ANKRD28: variants seen among roughly 807,000 people sequenced by gnomAD.
ANKRD28 encodes serine/threonine-protein phosphatase 6 regulatory ankyrin repeat subunit A.
In ANKRD28, 44 loss-of-function variants were observed where a neutral mutation model predicts 126.5. That is an observed-to-expected ratio of 0.35 (90% CI 0.27 to 0.45). The LOEUF is 0.45. Ranked by LOEUF, ANKRD28 falls within the 20% of genes least tolerant of loss-of-function variation. The pLI is 1.00. For missense variants in ANKRD28, 1,110 were observed against 1,316.6 expected (o/e 0.84, Z 2.43); for synonymous variants, 442 against 468.5 (o/e 0.94, Z 0.73).
chr3:15,676,970 T>C lies in ANKRD28; in HGVS notation c.2873+4A>G. ...AGTTTATACTAGATACTGACAGTAC[T>C]CACGTTTGCAAGGCTGCGTTGGTTG... On this transcript the variant is annotated splice_donor_region_variant and intron_variant, in intron 26 of 27. Transcript: ENST00000683139. 1 of 1,610,482 alleles carries C rather than the reference T, an allele frequency of 6.2e-7. No individual in the cohort carries two copies. Among genetic ancestry groups the C allele is most frequent in the Non-Finnish European group, 8.5e-7 (1 of 1,176,972 alleles).
At chr3:15,794,075 A>T (rs1177577295) in intron 2 of ANKRD28, among the ~76,000 whole-genome samples, 1 of 151,390 alleles carries the variant, frequency 6.6e-6, no homozygotes, top group Non-Finnish European at 1.5e-5. Context: ...GTCTCTAAAT[A>T]AATACATACA....
chr3:15,832,557 G>A (rs1252655295), intron 1 of ANKRD28, among the ~76,000 whole-genome samples: 1 of 151,968 alleles, frequency 6.6e-6, no homozygotes, highest in African/African-American at 2.4e-5. Context: ...TTAGTGTAGA[G>A]ATCACCTAAA....
intron 1 of ANKRD28, among the ~76,000 whole-genome samples, chr3:15,842,057 T>C (rs920604741): frequency 6.8e-6 from 1 of 147,774 alleles, no homozygotes. Context: ...ACATAATTTA[T>C]ATATAATTTT....
chr3:15,670,666 G>T, intron 27 of ANKRD28, 110 bp from the exon 28 acceptor site: 1 of 1,117,988 alleles, frequency 8.9e-7, no homozygotes, highest in Non-Finnish European at 1.2e-6. Flanking sequence ...ACATTACTTA[G>T]CTTATAATAA....
intron 4 of ANKRD28, among the ~76,000 whole-genome samples, chr3:15,741,304 AAAG>A (rs1421043988): frequency 2.0e-5 from 3 of 152,240 alleles, no homozygotes; most frequent in Non-Finnish European, 4.4e-5. Flanking sequence ...AGACATTAAA[AAAG>A]AAGAGGTGAA....
chr3:15,740,928 C>T lies in ANKRD28; in HGVS notation c.352-3695G>A, dbSNP rs73147551. On this transcript the variant is annotated intron_variant, in intron 4 of 27. Transcript: ENST00000683139. Reference sequence around the variant, plus strand: ...TACATGTCAGATCACAGGCCTGGTGCGGTGGCTCACTTCTGTAATCCCAGC... The same window carrying T: ...TACATGTCAGATCACAGGCCTGGTGTGGTGGCTCACTTCTGTAATCCCAGC... Among the ~76,000 whole-genome samples, 705 of 152,216 alleles carry T rather than the reference C, an allele frequency of 4.6e-3. 4 individuals carry two copies. Among genetic ancestry groups the T allele is most frequent in the African/African-American group, 0.015 (623 of 41,528 alleles).
At chr3:15,755,831 A>G (rs1009662154) in intron 3 of ANKRD28, among the ~76,000 whole-genome samples, 6 of 152,182 alleles carry the variant, frequency 3.9e-5, no homozygotes, top group Non-Finnish European at 8.8e-5. Context: ...ACTATTTCCT[A>G]CTCATTAAGA....
intron 3 of ANKRD28, among the ~76,000 whole-genome samples, chr3:15,763,552 CA>C (rs1220221815): frequency 6.6e-6 from 1 of 152,140 alleles, no homozygotes; most frequent in Admixed American, 6.6e-5. Context: ...GAAAAGATAA[CA>C]CAGGCGAGGG....
chr3:15,674,196 A>AAG (rs1553573255), intron 27 of ANKRD28, among the ~76,000 whole-genome samples: 1 of 130,168 alleles, frequency 7.7e-6, no homozygotes, highest in Admixed American at 7.8e-5. Context: ...AAAAAAAAAA[A>AAG]AAGAAGAAGA....
At chr3:15,755,860 A>T (rs1299690685) in intron 3 of ANKRD28, among the ~76,000 whole-genome samples, 1 of 152,226 alleles carries the variant, frequency 6.6e-6, no homozygotes, top group Non-Finnish European at 1.5e-5. Context: ...AATATAAAAC[A>T]GCAGTCCCTT....
At chr3:15,711,709 CAG>C (rs1345892649) in intron 11 of ANKRD28, among the ~76,000 whole-genome samples, 4 of 151,146 alleles carry the variant, frequency 2.6e-5, no homozygotes, top group Non-Finnish European at 5.9e-5. Context: ...TTTTTTGAGA[CAG>C]AGTCTCGCTC....
intron 2 of ANKRD28, among the ~76,000 whole-genome samples, chr3:15,766,554 G>C (rs547839117): frequency 2.6e-5 from 4 of 152,010 alleles, no homozygotes; most frequent in Non-Finnish European, 5.9e-5. Flanking sequence ...AGGCATGGTA[G>C]CATGCACATA....
chr3:15,834,125 T>C (rs1484157179), intron 1 of ANKRD28, among the ~76,000 whole-genome samples: 1 of 152,194 alleles, frequency 6.6e-6, no homozygotes. Context: ...GACTTGGTTA[T>C]AAATTATTTG....
intron 2 of ANKRD28, among the ~76,000 whole-genome samples, chr3:15,777,445 T>C (rs917951868): frequency 2.6e-5 from 4 of 152,250 alleles, no homozygotes; most frequent in African/African-American, 9.6e-5. Flanking sequence ...TCTTAGGGTG[T>C]GGGGGAAGTA....
chr3:15,696,823 G>A (rs566480488), intron 14 of ANKRD28, among the ~76,000 whole-genome samples: 3 of 152,178 alleles, frequency 2.0e-5, no homozygotes, highest in African/African-American at 7.2e-5. Context: ...AATAAAATAT[G>A]AGGAAAATAA....
At chr3:15,848,675 TA>T (rs112915787) in intron 1 of ANKRD28, among the ~76,000 whole-genome samples, 446 of 141,970 alleles carry the variant, frequency 3.1e-3, no homozygotes, top group Admixed American at 3.6e-3. Flanking sequence ...GACCTTAACT[TA>T]AAAAAAAAAA....
At chr3:15,831,750 C>T (rs2061195768) in intron 1 of ANKRD28, among the ~76,000 whole-genome samples, 1 of 152,142 alleles carries the variant, frequency 6.6e-6, no homozygotes, top group Non-Finnish European at 1.5e-5. Flanking sequence ...CTGAGTTCTA[C>T]CTTCAAAAAA....
intron 4 of ANKRD28, among the ~76,000 whole-genome samples, chr3:15,749,101 G>GTTTTT (rs869266246): frequency 6.6e-4 from 35 of 53,076 alleles, no homozygotes; most frequent in South Asian, 3.0e-3. Context: ...TTATGTTTTT[G>GTTTTT]TTTTTTTTTT....
At chr3:15,762,201 A>C (rs1559488894) in intron 3 of ANKRD28, among the ~76,000 whole-genome samples, 3 of 31,510 alleles carry the variant, frequency 9.5e-5, no homozygotes, top group African/African-American at 1.2e-4. Flanking sequence ...AAAAAAAAAA[A>C]AAAAAAAAAA....
Sources: gnomAD v4.1 joint callset for allele counts (sites outside exome capture counted in the v4.1 genomes callset) on GRCh38, gnomAD v4.1.1 for gene constraint, MANE v1.5 for transcripts, NCBI Gene and HGNC (gene_info 2026-07-23, HGNC 2026-07-21) for gene names.